ZSCAN18: variants seen among roughly 807,000 people sequenced by gnomAD.
ZSCAN18 encodes the protein zinc finger and SCAN domain containing 18.
ZSCAN18 carries 16 observed loss-of-function variants against 31.1 expected under a neutral mutation model. That is an observed-to-expected ratio of 0.51 (90% CI 0.35 to 0.78). The LOEUF is 0.78. Ranked by LOEUF, ZSCAN18 falls within the 30% of genes least tolerant of loss-of-function variation. The pLI, the probability that ZSCAN18 is intolerant of heterozygous loss-of-function variation, is 0.01. For synonymous variants in ZSCAN18, 375 were observed against 320.7 expected (o/e 1.17, Z -1.81); for missense variants, 731 against 697.4 (o/e 1.05, Z -0.54).
rs139140115 is a variant in ZSCAN18 at position 58,090,950 on chromosome 19, A to G, written c.-119-564T>C. On this transcript the variant is annotated intron_variant, in intron 1 of 6. Transcript: ENST00000601144. The surrounding 1 kb of genome is among the most constrained non-coding windows in gnomAD (Gnocchi z 4.7). ...GGATGAAAATGAAAAATTACTTGACAATCTCTATGTAAACCTGGATGTAAA... is the reference window on the plus strand; with the variant it reads ...GGATGAAAATGAAAAATTACTTGACGATCTCTATGTAAACCTGGATGTAAA... Among the ~76,000 whole-genome samples the G allele has an allele frequency of 1.0e-3, 157 of 152,160 alleles. No homozygotes were observed. The highest frequency in any genetic ancestry group is 3.5e-3 in the African/African-American group (146 of 41,536).
chr19:58,102,691 A>C (rs2074605059), upstream of ZSCAN18, among the ~76,000 whole-genome samples: 1 of 81,868 alleles, frequency 1.2e-5, no homozygotes, highest in Non-Finnish European at 3.0e-5. Flanking sequence ...GTTAATTGTC[A>C]TCTCAGCAAC....
chr19:58,099,738 A>G (rs1022226014), upstream of ZSCAN18, among the ~76,000 whole-genome samples: 5 of 152,116 alleles, frequency 3.3e-5, no homozygotes, highest in African/African-American at 1.2e-4. Context: ...TCCACTTCAC[A>G]TTTTTATCAG....
chr19:58,113,028 G>A (rs1283574151), intron 1 of ZSCAN18, among the ~76,000 whole-genome samples: 1 of 148,916 alleles, frequency 6.7e-6, no homozygotes, highest in Non-Finnish European at 1.5e-5. Flanking sequence ...AAACAAAAGG[G>A]TCAAGGGCCA....
intron 6 of ZSCAN18, chr19:58,085,903 A>G (rs1370594848): frequency 7.1e-6 from 3 of 424,400 alleles, no homozygotes; most frequent in Non-Finnish European, 8.5e-6. Flanking sequence ...AATGGGGCAG[A>G]ACGGCCACCC....
chr19:58,084,571 G>A lies in ZSCAN18; in HGVS notation c.*114C>T, dbSNP rs950826693. On this transcript the variant is annotated 3_prime_UTR_variant, in exon 7 of 7. Transcript: ENST00000601144. The surrounding 1 kb of genome is among the most constrained non-coding windows in gnomAD (Gnocchi z 4.5). The stretch of plus-strand genomic sequence containing the variant: ...GAGCGGATTCAGGGCACAGGCAGAG[G>A]ACGTCCACAAACACCACAGGAAGCC... The A allele has an allele frequency of 5.6e-6, 6 of 1,068,666 alleles. No individual in the cohort carries two copies. Among genetic ancestry groups the A allele is most frequent in the Non-Finnish European group, 7.7e-6 (6 of 783,926 alleles). 66.2% of individuals were successfully genotyped at this position (1,068,666 alleles called of 1,614,324 possible).
At position 58,084,471 on chromosome 19, in the gene ZSCAN18, A is replaced by G; in HGVS notation, c.*214T>C. On this transcript the variant is annotated 3_prime_UTR_variant, in exon 7 of 7. Coordinates refer to ENST00000601144, the MANE Select transcript of ZSCAN18 (RefSeq NM_001145543.2). This position sits in a 1 kb window ranked among gnomAD's most constrained non-coding sequence, Gnocchi z 4.5. Reference sequence around the variant, plus strand: ...CATCCGGCGGCTCCCCTCGGATGCGAGCGCTGGCCCAGGGTGTGTTTACAG... The same window carrying G: ...CATCCGGCGGCTCCCCTCGGATGCGGGCGCTGGCCCAGGGTGTGTTTACAG... The G allele has an allele frequency of 2.1e-6, 1 of 471,956 alleles. No homozygotes were observed. The highest frequency in any genetic ancestry group is 3.6e-6 in the Non-Finnish European group (1 of 277,440). 29.2% of individuals were successfully genotyped at this position (471,956 alleles called of 1,614,324 possible).
In ZSCAN18 at chr19:58,084,990, C is replaced by T; in HGVS notation, c.1228G>A (p.Gly410Arg). ...PGADEPGLSRGKPYACGECGE... is the reference protein window; with the variant it reads ...PGADEPGLSRRKPYACGECGE... The stretch of plus-strand genomic sequence containing the variant: ...CACTCGCCGCAGGCATAGGGCTTCC[C>T]GCGGGACAAGCCCGGCTCGTCAGCC... Residue 410 changes from glycine to arginine, a missense_variant, in exon 7 of 7, where the codon GGG becomes AGG. Gly to Arg is a moderately radical substitution (Grantham distance 125). This residue lies in a region of ZSCAN18 where 597 missense variants were observed against 499.5 expected (regional missense o/e 1.20). Transcript: ENST00000601144. The surrounding 1 kb of genome is among the most constrained non-coding windows in gnomAD (Gnocchi z 4.5). 1.3e-6 allele frequency: 2 copies of T among 1,596,828 alleles called. No homozygotes were observed. The highest frequency in any genetic ancestry group is 1.7e-6 in the Non-Finnish European group (2 of 1,172,682).
At chr19:58,109,059 A>G (rs766730915) in intron 1 of ZSCAN18, 2 of 1,225,072 alleles carry the variant, frequency 1.6e-6, no homozygotes, top group South Asian at 8.5e-5. Context: ...AGATGACCAC[A>G]ATGGTCATGG....
intron 1 of ZSCAN18, chr19:58,108,339 T>C: frequency 1.0e-6 from 1 of 985,496 alleles, no homozygotes; most frequent in Non-Finnish European, 1.2e-6. Flanking sequence ...TTCATTACAT[T>C]CGAATAGTTT....
intron 1 of ZSCAN18, chr19:58,118,238 C>T: frequency 8.3e-7 from 1 of 1,211,228 alleles, no homozygotes; most frequent in Non-Finnish European, 1.1e-6. Context: ...ACCGCCCAGC[C>T]CCAGCCGCTC....
At chr19:58,087,481 C>T (rs2074306689) in intron 3 of ZSCAN18, 77 bp from the exon 4 acceptor site, 2 of 1,300,088 alleles carry the variant, frequency 1.5e-6, no homozygotes, top group South Asian at 1.3e-5. Context: ...GGAGCCCCCG[C>T]TGCCTCCCAC....
rs2074215511 is a variant in ZSCAN18 at position 58,084,344 on chromosome 19, C to G, written c.*341G>C. The G allele has an allele frequency of 2.1e-5, 5 of 237,942 alleles. No individual in the cohort carries two copies. The highest frequency in any genetic ancestry group is 3.2e-5 in the Non-Finnish European group (4 of 124,032). The allele number at this position is 237,942 out of a possible 1,614,324, so 14.7% of individuals were successfully genotyped here. A position where few individuals can be genotyped will look rare whatever the true frequency, so the allele number is the denominator to read the frequency against. ...GGGCAAGGGTGACTTGAAGAAAGCA[C>G]TGGCAGATCACGCACTTTAAGGCAA... On this transcript the variant is annotated 3_prime_UTR_variant, in exon 7 of 7. Coordinates refer to ENST00000601144, the MANE Select transcript of ZSCAN18 (RefSeq NM_001145543.2). The surrounding 1 kb of genome is among the most constrained non-coding windows in gnomAD (Gnocchi z 4.5).
intron 1 of ZSCAN18, among the ~76,000 whole-genome samples, chr19:58,112,055 G>C (rs1036270458): frequency 1.3e-5 from 2 of 151,956 alleles, no homozygotes; most frequent in Non-Finnish European, 2.9e-5. Context: ...TTGTTTTTGA[G>C]ACCAGGTCTT....
At chr19:58,101,653 G>T (rs1003314044), upstream of ZSCAN18, among the ~76,000 whole-genome samples, 2 of 151,346 alleles carry the variant, frequency 1.3e-5, no homozygotes, top group Non-Finnish European at 2.9e-5. Flanking sequence ...CTGAGTAGCT[G>T]GGATTACAGG....
chr19:58,100,244 C>T (rs1879223734), upstream of ZSCAN18, among the ~76,000 whole-genome samples: 1 of 152,076 alleles, frequency 6.6e-6, no homozygotes, highest in Non-Finnish European at 1.5e-5. Context: ...CATGAGCCAC[C>T]ATGCCCAGTC....
intron 1 of ZSCAN18, among the ~76,000 whole-genome samples, chr19:58,092,222 T>G (rs1403385611): frequency 6.6e-6 from 1 of 152,120 alleles, no homozygotes; most frequent in African/African-American, 2.4e-5. Flanking sequence ...CCACTTTAAA[T>G]AGGTAAACCT....
chr19:58,101,234 G>A (rs915097664), upstream of ZSCAN18, among the ~76,000 whole-genome samples: 22 of 148,204 alleles, frequency 1.5e-4, no homozygotes, highest in African/African-American at 5.3e-4. Context: ...CCGGGTTCAC[G>A]CCATTCTCCT....
At chr19:58,103,797 C>T (rs1007873100) in intron 1 of ZSCAN18, among the ~76,000 whole-genome samples, 2 of 100,828 alleles carry the variant, frequency 2.0e-5, no homozygotes, top group Middle Eastern at 6.2e-3. Flanking sequence ...GTAAGGAAGG[C>T]GTGTCAAAGA....
chr19:58,109,750 G>A (rs774932298), intron 1 of ZSCAN18, among the ~76,000 whole-genome samples: 2 of 151,942 alleles, frequency 1.3e-5, no homozygotes, highest in Non-Finnish European at 2.9e-5. Context: ...ATACTTCCAG[G>A]AAAAGCTTTT....
Sources: gnomAD v4.1 joint callset for allele counts (sites outside exome capture counted in the v4.1 genomes callset) on GRCh38, gnomAD v4.1.1 for gene constraint, gnomAD v4.1.1 regional missense constraint, Gnocchi (gnomAD v3.1) non-coding constraint, MANE v1.5 for transcripts, NCBI Gene and HGNC (gene_info 2026-07-23, HGNC 2026-07-21) for gene names.